Variants in AUH observed in about 807,000 individuals in gnomAD.
AUH encodes the protein AU RNA binding methylglutaconyl-CoA hydratase.
Under a neutral mutation model 42.3 loss-of-function variants are expected in AUH, and 29 were observed. The ratio of observed to expected loss-of-function variants is 0.69; its 90% confidence interval spans 0.51 to 0.93. AUH has a LOEUF of 0.93. AUH is among the 40% of genes least tolerant of loss of function. The pLI, the probability that AUH is intolerant of heterozygous loss-of-function variation, is 0.00. For synonymous variants in AUH, 174 were observed against 166.4 expected (o/e 1.05, Z -0.35); for missense variants, 452 against 438.1 (o/e 1.03, Z -0.28).
intron 3 of AUH, among the ~76,000 whole-genome samples, chr9:91,337,063 C>T (rs1311206092): frequency 6.6e-6 from 1 of 152,146 alleles, no homozygotes; most frequent in Non-Finnish European, 1.5e-5. Context: ...CACATATAAA[C>T]ATCATATGAG....
At chr9:91,215,338 G>A (rs1038605491) in intron 9 of AUH, among the ~76,000 whole-genome samples, 2 of 152,068 alleles carry the variant, frequency 1.3e-5, no homozygotes, top group Non-Finnish European at 2.9e-5. Context: ...AGATGCTCAA[G>A]TCCCTTATAT....
chr9:91,282,192 C>G (rs981528508), intron 6 of AUH, among the ~76,000 whole-genome samples: 1 of 152,156 alleles, frequency 6.6e-6, no homozygotes, highest in Non-Finnish European at 1.5e-5. Context: ...ATACTTTTGA[C>G]TGACATGCTT....
chr9:91,327,797 A>T (rs1217797858), intron 3 of AUH, among the ~76,000 whole-genome samples: 1 of 152,202 alleles, frequency 6.6e-6, no homozygotes, highest in Non-Finnish European at 1.5e-5. Context: ...CCCAGACCTC[A>T]GGACTCCCCG....
At chr9:91,307,933 C>A (rs1278507173) in intron 4 of AUH, among the ~76,000 whole-genome samples, 1 of 152,072 alleles carries the variant, frequency 6.6e-6, no homozygotes, top group Non-Finnish European at 1.5e-5. Context: ...ACAGGAAATA[C>A]ACAAATTCTG....
intron 6 of AUH, among the ~76,000 whole-genome samples, chr9:91,285,559 ACAGTATTATAAAGG>A (rs35171322): frequency 0.12 from 18,660 of 152,030 alleles, 1,657 homozygotes; most frequent in African/African-American, 0.25. Flanking sequence ...GACTACAACA[ACAGTATTATAAAGG>A]GCAGTTATGA....
chr9:91,279,141 T>A (rs888783422), intron 6 of AUH, among the ~76,000 whole-genome samples: 7 of 152,152 alleles, frequency 4.6e-5, no homozygotes, highest in African/African-American at 1.7e-4. Flanking sequence ...TTAAAGATAT[T>A]AAAAATGAAG....
intron 6 of AUH, among the ~76,000 whole-genome samples, chr9:91,221,525 G>GT (rs1448275450): frequency 3.9e-5 from 6 of 152,068 alleles, no homozygotes; most frequent in African/African-American, 1.4e-4. Flanking sequence ...TGTCCTGGTG[G>GT]TATTTTCTCA....
chr9:91,266,022 C>T (rs1197596519), intron 6 of AUH, among the ~76,000 whole-genome samples: 1 of 151,932 alleles, frequency 6.6e-6, no homozygotes, highest in African/African-American at 2.4e-5. Context: ...TGCTCAGTAA[C>T]TAGTCTGCTT....
At chr9:91,253,533 T>C (rs1191714391) in intron 6 of AUH, among the ~76,000 whole-genome samples, 1 of 152,240 alleles carries the variant, frequency 6.6e-6, no homozygotes, top group Non-Finnish European at 1.5e-5. Context: ...TGCATGCTCA[T>C]CACAGTAAAC....
intron 7 of AUH, 21 bp downstream of exon 7, chr9:91,220,782 TAA>T: frequency 6.2e-7 from 1 of 1,612,680 alleles, no homozygotes; most frequent in Non-Finnish European, 8.5e-7. Context: ...TGAGAAAAAA[TAA>T]ACTCATTTAA....
chr9:91,262,908 A>G (rs559926770), intron 6 of AUH, among the ~76,000 whole-genome samples: 1 of 152,234 alleles, frequency 6.6e-6, no homozygotes, highest in South Asian at 2.1e-4. Context: ...GATAAATAGG[A>G]ATTATCGATC....
At chr9:91,292,443 TA>T (rs1456533593) in intron 6 of AUH, among the ~76,000 whole-genome samples, 1 of 151,962 alleles carries the variant, frequency 6.6e-6, no homozygotes, top group Non-Finnish European at 1.5e-5. Context: ...CATGACTGGC[TA>T]ATTCTTCTAT....
intron 9 of AUH, among the ~76,000 whole-genome samples, 153 bp from the exon 10 acceptor site, chr9:91,214,578 C>T (rs1005197087): frequency 2.6e-5 from 4 of 152,186 alleles, no homozygotes; most frequent in Non-Finnish European, 5.9e-5. Flanking sequence ...CAAACTCATC[C>T]TTCTTACTCC....
intron 6 of AUH, among the ~76,000 whole-genome samples, chr9:91,239,537 C>A (rs929422926): frequency 2.0e-5 from 3 of 152,196 alleles, no homozygotes; most frequent in African/African-American, 7.2e-5. Context: ...GCTTACAAAA[C>A]TAACTTCCTC....
At chr9:91,275,897 T>C (rs1825502349) in intron 6 of AUH, among the ~76,000 whole-genome samples, 1 of 152,190 alleles carries the variant, frequency 6.6e-6, no homozygotes, top group Non-Finnish European at 1.5e-5. Context: ...ATCATGGAGA[T>C]GTGCCAAATG....
intron 6 of AUH, among the ~76,000 whole-genome samples, chr9:91,284,837 T>C (rs4537426): frequency 0.072 from 10,893 of 152,104 alleles, 672 homozygotes; most frequent in East Asian, 0.26. Flanking sequence ...TGTGGAGAAA[T>C]AGGAACACTT....
At chr9:91,352,049 T>G (rs1587921683) in intron 3 of AUH, among the ~76,000 whole-genome samples, 1 of 152,048 alleles carries the variant, frequency 6.6e-6, no homozygotes. Flanking sequence ...CCTAGGCAGG[T>G]GGATCACCTG....
intron 3 of AUH, chr9:91,343,350 G>A (rs1202126456): frequency 3.9e-5 from 6 of 151,976 alleles, no homozygotes; most frequent in Non-Finnish European, 8.8e-5. Context: ...AGAAATCAAT[G>A]AATAGAAAGA....
intron 7 of AUH, chr9:91,218,749 A>T: frequency 8.1e-6 from 8 of 984,272 alleles, no homozygotes; most frequent in Non-Finnish European, 9.7e-6. Flanking sequence ...AGTAATATAT[A>T]ATACAGATAT....
Sources: allele counts gnomAD v4.1 joint callset (sites outside exome capture counted in the v4.1 genomes callset), GRCh38; gene constraint gnomAD v4.1.1; transcripts MANE v1.5; gene names NCBI Gene and HGNC (gene_info 2026-07-23, HGNC 2026-07-21).